Variants in SGCD observed in about 807,000 individuals in gnomAD.
SGCD encodes sarcoglycan delta.
In SGCD, 18 loss-of-function variants were observed where a neutral mutation model predicts 36.6. The observed-to-expected ratio is 0.49, with a 90% confidence interval of 0.34 to 0.73. The LOEUF (loss-of-function observed/expected upper bound fraction) is 0.73, where lower values mean the gene tolerates loss of function less well. SGCD is among the 30% of genes least tolerant of loss of function. The probability of loss-of-function intolerance (pLI) is 0.01; values close to 1 mark genes in which losing one functional copy is unlikely to be tolerated. For synonymous variants in SGCD, 133 were observed against 130.6 expected, an observed-to-expected ratio of 1.02 and a Z score of -0.12; for missense variants, 387 against 346.7, an observed-to-expected ratio of 1.12 and a Z score of -0.92.
At chr5:156,389,757 C>T (rs564942763) in intron 3 of SGCD, among the ~76,000 whole-genome samples, 10 of 152,076 alleles carry the variant, frequency 6.6e-5, no homozygotes, top group African/African-American at 1.9e-4. Flanking sequence ...TATAGTGTAA[C>T]GATTAAGAAC....
chr5:156,699,560 A>G (rs1754450368), intron 7 of SGCD, among the ~76,000 whole-genome samples: 1 of 152,184 alleles, frequency 6.6e-6, no homozygotes, highest in East Asian at 1.9e-4. Flanking sequence ...TCTAAAAGAA[A>G]TTGACTTGTT....
chr5:156,146,931 C>A (rs1762721039), intron 3 of SGCD, among the ~76,000 whole-genome samples: 1 of 152,126 alleles, frequency 6.6e-6, no homozygotes, highest in African/African-American at 2.4e-5. Context: ...TTGATAGACT[C>A]TTATTCATCC....
intron 3 of SGCD, among the ~76,000 whole-genome samples, chr5:156,265,691 T>C (rs920460496): frequency 1.3e-5 from 2 of 151,818 alleles, no homozygotes; most frequent in Admixed American, 6.6e-5. Flanking sequence ...GTGTGTTATA[T>C]ATTCTCAAAG....
chr5:155,821,166 G>C, the SGCD span, among the ~76,000 whole-genome samples: 172 of 152,258 alleles, frequency 1.1e-3, 1 homozygote, highest in African/African-American at 4.0e-3. Flanking sequence ...GAAATTAAAA[G>C]GTAAATTTTA....
chr5:156,707,183 A>G (rs1754779091), intron 7 of SGCD, among the ~76,000 whole-genome samples: 1 of 152,198 alleles, frequency 6.6e-6, no homozygotes, highest in Non-Finnish European at 1.5e-5. Context: ...ACATTTTTAT[A>G]TATAAATTAA....
chr5:156,459,363 A>C (rs1270942309), intron 3 of SGCD, among the ~76,000 whole-genome samples: 1 of 152,202 alleles, frequency 6.6e-6, no homozygotes, highest in African/African-American at 2.4e-5. Context: ...TCCTTAAAAC[A>C]GGACTTTTCA....
chr5:156,371,133 C>T (rs1770364728), intron 3 of SGCD, among the ~76,000 whole-genome samples: 1 of 152,070 alleles, frequency 6.6e-6, no homozygotes, highest in Non-Finnish European at 1.5e-5. Context: ...TACCTTTCTG[C>T]TAAATATAGA....
At chr5:155,914,639 T>TA (rs1232850244) in intron 1 of SGCD, among the ~76,000 whole-genome samples, 1 of 152,182 alleles carries the variant, frequency 6.6e-6, no homozygotes, top group Admixed American at 6.6e-5. Context: ...AACAATTTTT[T>TA]AAAAACACCT....
chr5:156,339,440 G>C (rs1768530348), intron 2 of SGCD, among the ~76,000 whole-genome samples: 1 of 152,200 alleles, frequency 6.6e-6, no homozygotes, highest in African/African-American at 2.4e-5. Flanking sequence ...GATATAGCTA[G>C]TTACTTATTA....
intron 3 of SGCD, among the ~76,000 whole-genome samples, chr5:156,239,784 C>T (rs249888): frequency 0.26 from 39,632 of 152,028 alleles, 5,642 homozygotes; most frequent in Non-Finnish European, 0.31. Context: ...ATTGTATCTA[C>T]CCAGTCTCTC....
Position 156,242,726 on chromosome 5 carries a change from C to T in SGCD, c.-43-86808C>T, listed in dbSNP as rs557299521. On this transcript the variant is annotated intron_variant, in intron 3 of 9. Transcript: ENST00000517913. ...AACATCAAGAGGGCACCCTTGTAGG[C>T]GGACTGCCCCATGCAGGGTGCCAGA... 5.9e-5 allele frequency among the ~76,000 whole-genome samples: 9 copies of T among 152,230 alleles called. No homozygotes were observed. In the South Asian group the frequency reaches 6.2e-4, roughly 11 times the overall value.
In SGCD at chr5:156,741,182, C is replaced by T. The variant is rs370772585; in HGVS notation, c.576-16399C>T. ...ATGGAAACACAATATGATCTAAAAG[C>T]TTGTCTAGGTTTGGAAGTGATTAAT... On this transcript the variant is annotated intron_variant, in intron 7 of 8. Transcript: ENST00000337851. Among the ~76,000 whole-genome samples the T allele has an allele frequency of 3.5e-4, 53 of 152,224 alleles. No individual in the cohort carries two copies. In the South Asian group the frequency reaches 0.011, roughly 31 times the overall value.
chr5:155,856,121 A>T, the SGCD span, among the ~76,000 whole-genome samples: 64 of 152,316 alleles, frequency 4.2e-4, 1 homozygote, highest in South Asian at 0.013. Context: ...ATTCAAAATG[A>T]AACACAGACA....
chr5:156,103,126 T>G (rs1761560290), intron 1 of SGCD, among the ~76,000 whole-genome samples: 1 of 152,212 alleles, frequency 6.6e-6, no homozygotes, highest in Non-Finnish European at 1.5e-5. Context: ...TCCAGTAAAT[T>G]TTAGCTACTG....
At chr5:156,168,827 G>A (rs1158734874) in intron 3 of SGCD, among the ~76,000 whole-genome samples, 1 of 152,146 alleles carries the variant, frequency 6.6e-6, no homozygotes, top group South Asian at 2.1e-4. Flanking sequence ...AGAAGAGTAA[G>A]GCTCAGGCTG....
At chr5:156,073,006 A>G (rs1581079963) in intron 1 of SGCD, among the ~76,000 whole-genome samples, 2 of 151,790 alleles carry the variant, frequency 1.3e-5, no homozygotes, top group Admixed American at 1.3e-4. Context: ...ACTTCTCTCT[A>G]TTGGTTATTC....
At chr5:156,125,890 A>T (rs1581114625) in intron 3 of SGCD, among the ~76,000 whole-genome samples, 1 of 120,446 alleles carries the variant, frequency 8.3e-6, no homozygotes, top group African/African-American at 3.0e-5. Flanking sequence ...TATTATTATT[A>T]TTTTGGAGAT....
rs543816338 is a variant in SGCD at position 156,539,320 on chromosome 5, T to C, written c.294+30618T>C. Among the ~76,000 whole-genome samples the C allele has an allele frequency of 1.0e-3, 157 of 152,050 alleles. No homozygotes were observed. The Middle Eastern group carries it at 0.014, about 13-fold the overall frequency. ...GGTGGTTTGGGGTTACATGAATAAG[T>C]TTTTTAGTGGTGGTTTCTGAGATTT... On this transcript the variant is annotated intron_variant, in intron 4 of 8. Transcript: ENST00000337851.
At chr5:156,143,928 C>T (rs1762640313) in intron 3 of SGCD, among the ~76,000 whole-genome samples, 2 of 141,292 alleles carry the variant, frequency 1.4e-5, no homozygotes, top group South Asian at 4.6e-4. Flanking sequence ...TGATGTTCCC[C>T]TTCCTGTGTC....
Sources: allele counts gnomAD v4.1 joint callset (sites outside exome capture counted in the v4.1 genomes callset), GRCh38; gene constraint gnomAD v4.1.1; transcripts MANE v1.5; gene names NCBI Gene and HGNC (gene_info 2026-07-23, HGNC 2026-07-21).